Variants in TMEM65 observed in about 807,000 individuals in gnomAD.
The protein encoded by TMEM65 is transmembrane protein 65.
In TMEM65, 22 loss-of-function variants were observed where a neutral mutation model predicts 25.4. The observed-to-expected ratio is 0.86, with a 90% CI of 0.62 to 1.23. TMEM65 has a LOEUF of 1.23. TMEM65 is among the 50% of genes most tolerant of loss of function. TMEM65 has a pLI of 0.00. For missense variants in TMEM65, 262 were observed against 308.2 expected (o/e 0.85, Z 1.12); for synonymous variants, 132 against 126.2 (o/e 1.05, Z -0.31).
At chr8:124,343,253 TAG>T (rs1563595325) in intron 1 of TMEM65, among the ~76,000 whole-genome samples, 2 of 152,270 alleles carry the variant, frequency 1.3e-5, no homozygotes, top group East Asian at 3.9e-4. Context: ...CTAGAAAACA[TAG>T]ATTGACCCCT....
At chr8:124,348,191 C>T (rs1172820791) in intron 1 of TMEM65, among the ~76,000 whole-genome samples, 2 of 152,202 alleles carry the variant, frequency 1.3e-5, no homozygotes, top group African/African-American at 2.4e-5. Flanking sequence ...AGGTGATCCA[C>T]CCACCTCAGC....
chr8:124,341,734 T>C (rs891782011), intron 1 of TMEM65, among the ~76,000 whole-genome samples: 1 of 152,212 alleles, frequency 6.6e-6, no homozygotes. Flanking sequence ...GAATGACTAC[T>C]GTTCACAGTG....
intron 1 of TMEM65, 96 bp downstream of exon 1, chr8:124,371,758 G>A: frequency 8.2e-7 from 1 of 1,221,048 alleles, no homozygotes; most frequent in Non-Finnish European, 1.1e-6. Flanking sequence ...CGGCGGCGGG[G>A]GTCCAAGATC....
intron 1 of TMEM65, among the ~76,000 whole-genome samples, chr8:124,358,448 C>T (rs2131225050): frequency 2.0e-5 from 3 of 152,304 alleles, no homozygotes; most frequent in Middle Eastern, 6.8e-3. Flanking sequence ...AGGTCATAAT[C>T]TACTCTTCTA....
chr8:124,318,226 G>A (rs1387933897), intron 6 of TMEM65, among the ~76,000 whole-genome samples: 1 of 151,912 alleles, frequency 6.6e-6, no homozygotes, highest in Non-Finnish European at 1.5e-5. Context: ...ATCACCAATT[G>A]AGCTTCTAGA....
intron 1 of TMEM65, chr8:124,351,172 T>A: frequency 1.1e-6 from 1 of 910,126 alleles, no homozygotes. Flanking sequence ...AAATAATATA[T>A]ATATAAACTT....
intron 2 of TMEM65, among the ~76,000 whole-genome samples, chr8:124,328,253 A>T (rs543988593): frequency 6.6e-6 from 1 of 151,970 alleles, no homozygotes; most frequent in Non-Finnish European, 1.5e-5. Context: ...AAAATACAAA[A>T]ATTAGCTGGG....
intron 1 of TMEM65, among the ~76,000 whole-genome samples, chr8:124,343,194 T>C (rs1018330399): frequency 6.6e-6 from 1 of 152,134 alleles, no homozygotes; most frequent in Non-Finnish European, 1.5e-5. Flanking sequence ...ATTGACTTGA[T>C]GGCCTTGGTC....
At chr8:124,359,827 T>G (rs1196647834) in intron 1 of TMEM65, among the ~76,000 whole-genome samples, 1 of 152,202 alleles carries the variant, frequency 6.6e-6, no homozygotes, top group Non-Finnish European at 1.5e-5. Context: ...GCTAACCTTT[T>G]GGCTTAGTAA....
At chr8:124,333,338 GAATT>G (rs1382699039) in intron 1 of TMEM65, among the ~76,000 whole-genome samples, 3 of 151,808 alleles carry the variant, frequency 2.0e-5, no homozygotes, top group Non-Finnish European at 2.9e-5. Context: ...TATATTTTAT[GAATT>G]AATTTCAGAA....
At chr8:124,325,172 G>A (rs575523669) in intron 3 of TMEM65, among the ~76,000 whole-genome samples, 44 of 151,906 alleles carry the variant, frequency 2.9e-4, no homozygotes, top group Middle Eastern at 6.8e-3. Flanking sequence ...CTAACAGGAA[G>A]GAGGAAAACA....
At chr8:124,315,513 G>C (rs993372156) in intron 6 of TMEM65, among the ~76,000 whole-genome samples, 7 of 151,792 alleles carry the variant, frequency 4.6e-5, no homozygotes, top group Admixed American at 2.0e-4. Flanking sequence ...AGTAGAGCCG[G>C]GGTTTCACTG....
At chr8:124,328,812 C>A (rs1372549613) in intron 2 of TMEM65, among the ~76,000 whole-genome samples, 2 of 151,836 alleles carry the variant, frequency 1.3e-5, no homozygotes, top group Non-Finnish European at 2.9e-5. Flanking sequence ...TCTTTTAATG[C>A]AGTTATCTCC....
chr8:124,371,190 A>G (rs1382476849), intron 1 of TMEM65, among the ~76,000 whole-genome samples: 1 of 152,198 alleles, frequency 6.6e-6, no homozygotes, highest in African/African-American at 2.4e-5. Flanking sequence ...CTCCTTATTT[A>G]TTTCATTCTT....
At chr8:124,326,090 G>C (rs781365336) in intron 3 of TMEM65, among the ~76,000 whole-genome samples, 2 of 151,912 alleles carry the variant, frequency 1.3e-5, no homozygotes, top group African/African-American at 2.4e-5. Context: ...TTAAAAGTTA[G>C]AGTCAGTGAA....
chr8:124,328,737 G>A (rs139259996), intron 2 of TMEM65, among the ~76,000 whole-genome samples: 31 of 152,052 alleles, frequency 2.0e-4, no homozygotes, highest in African/African-American at 4.1e-4. Flanking sequence ...TTTGTACTAC[G>A]TCCAAAAAAA....
intron 1 of TMEM65, among the ~76,000 whole-genome samples, chr8:124,357,820 CT>C (rs1814804187): frequency 9.6e-6 from 1 of 103,742 alleles, no homozygotes; most frequent in Admixed American, 1.4e-4. Flanking sequence ...TATATTTTTA[CT>C]TTTTTATCTT....
chr8:124,350,306 CT>C lies in TMEM65; in HGVS notation c.305-19515del, dbSNP rs563718492. On this transcript the variant is annotated intron_variant, in intron 1 of 6. Coordinates refer to ENST00000297632, the MANE Select transcript of TMEM65 (RefSeq NM_194291.3). ...TGGTCCACAAAATATTTCAGACTCC[CT>C]TTCATACACTGTGTTATACTTCTTA... Among the ~76,000 whole-genome samples the C allele has an allele frequency of 5.8e-4, 89 of 152,212 alleles. 1 individual carries two copies. The Middle Eastern group carries it at 0.01, about 17-fold the overall frequency.
At chr8:124,357,151 G>A (rs1282927981) in intron 1 of TMEM65, among the ~76,000 whole-genome samples, 1 of 150,594 alleles carries the variant, frequency 6.6e-6, no homozygotes, top group Non-Finnish European at 1.5e-5. Flanking sequence ...AAACACTGGT[G>A]TTTTTCAGCA....
Sources: gnomAD v4.1 joint callset for allele counts (sites outside exome capture counted in the v4.1 genomes callset) on GRCh38, gnomAD v4.1.1 for gene constraint, MANE v1.5 for transcripts, NCBI Gene and HGNC (gene_info 2026-07-23, HGNC 2026-07-21) for gene names.